The following RABGAP1L variants were observed in gnomAD, a reference collection of about 807,000 sequenced individuals.
The protein encoded by RABGAP1L is rab GTPase-activating protein 1-like.
In RABGAP1L, 63 loss-of-function variants were observed where a neutral mutation model predicts 137.7. That is an observed-to-expected ratio of 0.46 (90% CI 0.37 to 0.56). The LOEUF (loss-of-function observed/expected upper bound fraction) is 0.56, where lower values mean the gene tolerates loss of function less well. RABGAP1L is among the 20% of genes least tolerant of loss of function. RABGAP1L has a pLI of 0.00. For missense variants in RABGAP1L, 1,095 were observed against 1,244.0 expected (o/e 0.88, Z 1.80); for synonymous variants, 431 against 433.7 (o/e 0.99, Z 0.08).
intron 13 of RABGAP1L, among the ~76,000 whole-genome samples, chr1:174,400,197 G>T (rs1055106074): frequency 5.9e-5 from 9 of 152,112 alleles, no homozygotes; most frequent in South Asian, 2.1e-4. Context: ...TGCCATGGGC[G>T]TATTACTCTA....
intron 19 of RABGAP1L, among the ~76,000 whole-genome samples, chr1:174,895,951 T>C (rs1414468792): frequency 1.3e-5 from 2 of 152,238 alleles, no homozygotes; most frequent in Non-Finnish European, 2.9e-5. Flanking sequence ...CCTTTGGGTA[T>C]ATACCCAGTA....
chr1:174,270,382 G>C (rs1328770912), intron 7 of RABGAP1L, among the ~76,000 whole-genome samples: 1 of 152,074 alleles, frequency 6.6e-6, no homozygotes, highest in East Asian at 1.9e-4. Flanking sequence ...GGAAGTGCTT[G>C]AGAAACAAAT....
chr1:174,584,902 T>C (rs912698913), intron 13 of RABGAP1L, among the ~76,000 whole-genome samples: 1 of 152,100 alleles, frequency 6.6e-6, no homozygotes, highest in Admixed American at 6.6e-5. Context: ...AGGTATAGGA[T>C]GTAGCTTCTC....
At chr1:174,829,366 T>C (rs1377736913) in intron 19 of RABGAP1L, among the ~76,000 whole-genome samples, 1 of 148,076 alleles carries the variant, frequency 6.8e-6, no homozygotes, top group African/African-American at 2.5e-5. Context: ...GAATTTTGCT[T>C]TTAAGAGTGG....
intron 13 of RABGAP1L, among the ~76,000 whole-genome samples, chr1:174,597,515 T>C (rs990256547): frequency 2.6e-5 from 4 of 152,152 alleles, no homozygotes; most frequent in African/African-American, 7.2e-5. Context: ...TTGTTGATAG[T>C]AGCTTCTAAT....
chr1:174,529,214 T>C (rs1004734014), intron 13 of RABGAP1L, among the ~76,000 whole-genome samples: 8 of 152,094 alleles, frequency 5.3e-5, no homozygotes, highest in Admixed American at 2.6e-4. Context: ...CTTTTCCATG[T>C]TTTCTGTGTT....
In RABGAP1L at chr1:174,584,411, T is replaced by C. The variant is rs145637268; in HGVS notation, c.1711-52964T>C. Among the ~76,000 whole-genome samples the C allele has an allele frequency of 9.1e-3, 1,379 of 152,278 alleles. 26 individuals carry two copies. Among genetic ancestry groups the C allele is most frequent in the African/African-American group, 0.032 (1,330 of 41,554 alleles). On this transcript the variant is annotated intron_variant, in intron 13 of 25. Coordinates refer to ENST00000681986, the MANE Select transcript of RABGAP1L (RefSeq NM_001366446.1). ...AGGATCAGTCCTTGTTAATTATAAC[T>C]GATAGGGAAACATGGCTAAGAAATA...
At chr1:174,297,839 C>G (rs770134243) in intron 10 of RABGAP1L, among the ~76,000 whole-genome samples, 2 of 152,152 alleles carry the variant, frequency 1.3e-5, no homozygotes, top group African/African-American at 2.4e-5. Context: ...ATCCCAAGGC[C>G]GGAGGGCAAA....
chr1:174,483,097 C>G (rs1376381576), intron 13 of RABGAP1L, among the ~76,000 whole-genome samples: 1 of 151,968 alleles, frequency 6.6e-6, no homozygotes, highest in Non-Finnish European at 1.5e-5. Flanking sequence ...GTGGAGGTAT[C>G]CATCACCTCA....
intron 21 of RABGAP1L, 187 bp from the exon 22 acceptor site, chr1:174,975,891 C>T: frequency 5.4e-6 from 3 of 556,424 alleles, no homozygotes. Context: ...TAATGTGTGC[C>T]AACTAGATGG....
chr1:174,386,613 T>A (rs1197370058), intron 12 of RABGAP1L, among the ~76,000 whole-genome samples: 1 of 152,052 alleles, frequency 6.6e-6, no homozygotes, highest in African/African-American at 2.4e-5. Flanking sequence ...GTTCAAGTGA[T>A]TCTCCTGCCT....
At chr1:174,766,287 T>C (rs564247031) in intron 18 of RABGAP1L, among the ~76,000 whole-genome samples, 1 of 152,338 alleles carries the variant, frequency 6.6e-6, no homozygotes, top group Non-Finnish European at 1.5e-5. Context: ...TAGCATACCA[T>C]ACACTAGGGG....
chr1:174,458,593 T>C (rs183172737), intron 13 of RABGAP1L, among the ~76,000 whole-genome samples: 2 of 152,242 alleles, frequency 1.3e-5, no homozygotes, highest in East Asian at 3.9e-4. Context: ...GAAACACAGA[T>C]CTACTTTTTC....
At chr1:174,712,643 G>A (rs1320342527) in intron 17 of RABGAP1L, among the ~76,000 whole-genome samples, 1 of 152,170 alleles carries the variant, frequency 6.6e-6, no homozygotes, top group African/African-American at 2.4e-5. Context: ...CGGACACAGT[G>A]GTTTTCCCCT....
At position 174,394,272 on chromosome 1, in the gene RABGAP1L, G is replaced by A. The variant is rs1647546107; in HGVS notation, c.1710+127G>A. The A allele has an allele frequency of 5.6e-6, 6 of 1,078,554 alleles. No individual in the cohort carries two copies. The East Asian group carries it at 1.5e-4, about 28-fold the overall frequency. 66.8% of individuals were successfully genotyped at this position (1,078,554 alleles called of 1,614,324 possible). On this transcript the variant is annotated intron_variant, in intron 13 of 25. Transcript: ENST00000681986. ...TGAATATATTGAGGTCGTGAAGTCA[G>A]TACTTCTACCTTTTGTTCTGAACAC... is the stretch of plus-strand genomic sequence containing the variant.
intron 12 of RABGAP1L, among the ~76,000 whole-genome samples, chr1:174,389,773 G>A (rs1337690357): frequency 1.3e-5 from 2 of 152,114 alleles, no homozygotes; most frequent in African/African-American, 4.8e-5. Flanking sequence ...AGATATATAA[G>A]TAAAGAAGAC....
chr1:174,642,653 C>T (rs1013887141), intron 14 of RABGAP1L, among the ~76,000 whole-genome samples: 1 of 149,572 alleles, frequency 6.7e-6, no homozygotes, highest in Admixed American at 6.7e-5. Context: ...CCTCTCCTCT[C>T]CCCACCCTCT....
intron 19 of RABGAP1L, among the ~76,000 whole-genome samples, chr1:174,858,157 C>T (rs1028983155): frequency 1.3e-5 from 2 of 152,084 alleles, no homozygotes; most frequent in African/African-American, 2.4e-5. Context: ...GGATTACAGG[C>T]ATGTGCCACC....
intron 13 of RABGAP1L, among the ~76,000 whole-genome samples, chr1:174,454,513 T>A (rs1269745029): frequency 6.6e-6 from 1 of 152,074 alleles, no homozygotes; most frequent in Non-Finnish European, 1.5e-5. Context: ...TTTGAGGTAT[T>A]ACTTGATGAA....
Sources: gnomAD v4.1 joint callset for allele counts (sites outside exome capture counted in the v4.1 genomes callset) on GRCh38, gnomAD v4.1.1 for gene constraint, MANE v1.5 for transcripts, NCBI Gene and HGNC (gene_info 2026-07-23, HGNC 2026-07-21) for gene names.